Variants in POLI observed in about 807,000 individuals in gnomAD.
The protein encoded by POLI is DNA polymerase iota.
A neutral mutation model predicts 51.6 loss-of-function variants in POLI; 58 were observed. The observed-to-expected ratio is 1.12, with a 90% CI of 0.91 to 1.40. The LOEUF is 1.40. Among genes scored for constraint, POLI ranks in the 40% most tolerant of loss-of-function variants. POLI has a pLI of 0.00. For missense variants in POLI, 921 were observed against 871.3 expected, an observed-to-expected ratio of 1.06 and a Z score of -0.72; for synonymous variants, 322 against 299.7, an observed-to-expected ratio of 1.07 and a Z score of -0.77.
intron 3 of POLI, chr18:54,275,005 T>C (rs902656455): frequency 6.6e-6 from 1 of 152,168 alleles, no homozygotes; most frequent in East Asian, 1.9e-4. Flanking sequence ...TCAAATTCAT[T>C]AGTGGCCAAG....
At chr18:54,315,049 A>G (rs2088715584) in intron 3 of POLI, among the ~76,000 whole-genome samples, 1 of 151,948 alleles carries the variant, frequency 6.6e-6, no homozygotes, top group Non-Finnish European at 1.5e-5. Flanking sequence ...CTCTTCATGT[A>G]ATGTTAGATT....
At chr18:54,288,359 T>G (rs1003585195) in intron 8 of POLI, among the ~76,000 whole-genome samples, 1 of 152,174 alleles carries the variant, frequency 6.6e-6, no homozygotes, top group African/African-American at 2.4e-5. Context: ...TTTTTAAGCT[T>G]TATGTTTAGG....
intron 8 of POLI, among the ~76,000 whole-genome samples, chr18:54,289,173 T>C (rs2087879938): frequency 6.6e-6 from 1 of 151,608 alleles, no homozygotes; most frequent in Admixed American, 6.6e-5. Context: ...CTGTGCTGTG[T>C]AGCCACTGAT....
chr18:54,288,490 T>C (rs1461751533), intron 8 of POLI, among the ~76,000 whole-genome samples: 1 of 152,218 alleles, frequency 6.6e-6, no homozygotes, highest in African/African-American at 2.4e-5. Context: ...ACCCACTGAA[T>C]TACCATGACA....
At chr18:54,272,839 A>G (rs915243758) in intron 2 of POLI, among the ~76,000 whole-genome samples, 13 of 151,948 alleles carry the variant, frequency 8.6e-5, no homozygotes, top group African/African-American at 3.1e-4. Flanking sequence ...TTTTTAGTTA[A>G]GAAATCTAGC....
Position 54,296,813 on chromosome 18 carries a change from C to T in POLI, c.*2346C>T, listed in dbSNP as rs566891410. 1.4e-4 allele frequency: 75 copies of T among 550,786 alleles called. No individual in the cohort carries two copies. The highest frequency in any genetic ancestry group is 2.9e-4 in the East Asian group (2 of 6,848). The allele number at this position is 550,786 out of a possible 1,614,324, so 34.1% of individuals were successfully genotyped here. A position where few individuals can be genotyped will look rare whatever the true frequency, so the allele number is the denominator to read the frequency against. ...TTTCATTTGATTCTTTTTAACTTCCCGTTTACTCATTACAGTCCCTTGTAA... is the reference window on the plus strand; with the variant it reads ...TTTCATTTGATTCTTTTTAACTTCCTGTTTACTCATTACAGTCCCTTGTAA... On this transcript the variant is annotated 3_prime_UTR_variant, in exon 10 of 10. Transcript: ENST00000579534.
At chr18:54,304,705 G>C (rs2088551388) in intron 3 of POLI, among the ~76,000 whole-genome samples, 1 of 152,082 alleles carries the variant, frequency 6.6e-6, no homozygotes, top group Admixed American at 6.5e-5. Context: ...CTCCCATTCT[G>C]TAGGTTGCCT....
In POLI at chr18:54,297,615, C is replaced by T. The variant is rs1013036550; in HGVS notation, c.*3148C>T. On this transcript the variant is annotated 3_prime_UTR_variant, in exon 10 of 10. Coordinates refer to ENST00000579534, the MANE Select transcript of POLI (RefSeq NM_007195.3). ...CTTCTTTCCCACCTTTATCTCTCCT[C>T]CTATCTTTTGGGATCAGTTGGGTTT... 1 of 971,734 alleles carries T rather than the reference C, an allele frequency of 1.0e-6. No homozygotes were observed. The highest frequency in any genetic ancestry group is 1.8e-5 in the African/African-American group (1 of 56,594). The allele number at this position is 971,734 out of a possible 1,614,324, so 60.2% of individuals were successfully genotyped here.
At chr18:54,290,899 C>T (rs1246060800) in intron 8 of POLI, among the ~76,000 whole-genome samples, 4 of 152,102 alleles carry the variant, frequency 2.6e-5, no homozygotes, top group African/African-American at 7.2e-5. Context: ...ATAGGTGTAG[C>T]AAACTAACAC....
At position 54,293,800 on chromosome 18, in the gene POLI, C is replaced by A; in HGVS notation, c.1556C>A (p.Pro519Gln). Residue 519 changes from proline (P) to glutamine (Q), a missense_variant, in exon 10 of 10, where the codon CCA (proline) becomes CAA (glutamine). Transcript: ENST00000579534. ...FSKEKDINEF[P>Q]LCSLPEGVDQ... ...AAAGAAAAAGACATTAATGAATTCC[C>A]ACTCTGTTCACTTCCTGAAGGTGTT... is the stretch of plus-strand genomic sequence containing the variant. 1 of 1,607,382 alleles carries A rather than the reference C, an allele frequency of 6.2e-7. No homozygotes were observed. Among genetic ancestry groups the A allele is most frequent in the South Asian group, 1.1e-5 (1 of 90,132 alleles).
At chr18:54,278,160 C>T (rs1160282124) in intron 4 of POLI, among the ~76,000 whole-genome samples, 3 of 152,106 alleles carry the variant, frequency 2.0e-5, no homozygotes, top group Non-Finnish European at 4.4e-5. Context: ...CATTGGTTCC[C>T]ATTTTAGAAA....
At chr18:54,308,418 C>T (rs2088622633) in intron 3 of POLI, among the ~76,000 whole-genome samples, 1 of 152,232 alleles carries the variant, frequency 6.6e-6, no homozygotes, top group Non-Finnish European at 1.5e-5. Context: ...CTCCCACTCT[C>T]TTCTGGCTTG....
At chr18:54,314,569 G>A (rs147336916) in intron 3 of POLI, among the ~76,000 whole-genome samples, 66 of 152,074 alleles carry the variant, frequency 4.3e-4, no homozygotes, top group African/African-American at 1.3e-3. Context: ...TTCTTTATAT[G>A]TCTTATAGAA....
intron 1 of POLI, 181 bp downstream of exon 1, chr18:54,269,842 T>C (rs1158334849): frequency 3.0e-6 from 4 of 1,343,608 alleles, no homozygotes; most frequent in Non-Finnish European, 3.8e-6. Flanking sequence ...AGGAATGGCT[T>C]CACCCAGCAG....
chr18:54,310,488 T>TA (rs1221340107), intron 3 of POLI, among the ~76,000 whole-genome samples: 1 of 151,640 alleles, frequency 6.6e-6, no homozygotes, highest in African/African-American at 2.4e-5. Context: ...ACCTACTATT[T>TA]TTTTTTTTTC....
intron 8 of POLI, among the ~76,000 whole-genome samples, chr18:54,288,875 A>T (rs1472692554): frequency 5.9e-5 from 9 of 152,080 alleles, no homozygotes; most frequent in Non-Finnish European, 8.8e-5. Context: ...AATTCTTTAA[A>T]CATGGTTGTC....
At chr18:54,292,122 T>C in intron 9 of POLI, 84 bp downstream of exon 9, 2 of 821,808 alleles carry the variant, frequency 2.4e-6, no homozygotes, top group Non-Finnish European at 3.9e-6. Context: ...AGTGCTTGTC[T>C]TTTTGATATA....
intron 3 of POLI, among the ~76,000 whole-genome samples, chr18:54,319,166 T>C (rs887446080): frequency 1.3e-5 from 2 of 152,170 alleles, no homozygotes; most frequent in East Asian, 3.8e-4. Context: ...CCTAATGACA[T>C]TATTAGGCCA....
At chr18:54,274,329 A>G (rs1383899422) in intron 3 of POLI, among the ~76,000 whole-genome samples, 1 of 152,116 alleles carries the variant, frequency 6.6e-6, no homozygotes, top group Non-Finnish European at 1.5e-5. Context: ...TGATGTTTAT[A>G]TAACAGGGAA....
Sources: allele counts gnomAD v4.1 joint callset (sites outside exome capture counted in the v4.1 genomes callset), GRCh38; gene constraint gnomAD v4.1.1; transcripts MANE v1.5; gene names NCBI Gene and HGNC (gene_info 2026-07-23, HGNC 2026-07-21).